Variants in INTS11 observed in about 807,000 individuals in gnomAD.
The protein encoded by INTS11 is CPSF3-like protein.
Under a neutral mutation model 78.6 loss-of-function variants are expected in INTS11, and 77 were observed. The observed-to-expected ratio is 0.98, with a 90% CI of 0.81 to 1.18. The LOEUF (loss-of-function observed/expected upper bound fraction) is 1.18, where lower values mean the gene tolerates loss of function less well. Among genes scored for constraint, INTS11 ranks in the 50% most tolerant of loss-of-function variants. The pLI is 0.00. For synonymous variants in INTS11, 441 were observed against 326.9 expected (o/e 1.35, Z -3.77); for missense variants, 875 against 825.9 (o/e 1.06, Z -0.73).
intron 3 of INTS11, chr1:1,320,122 A>C: frequency 7.0e-6 from 2 of 286,460 alleles, no homozygotes; most frequent in Non-Finnish European, 6.7e-6. Flanking sequence ...GCTGAACCCT[A>C]AAGGCTGGGG....
At chr1:1,316,282 G>C (rs375348001) in intron 4 of INTS11, 1 of 152,350 alleles carries the variant, frequency 6.6e-6, no homozygotes, top group Non-Finnish European at 1.5e-5. Context: ...ACTCCATCTC[G>C]GTAAAAACAA....
chr1:1,311,875 G>A lies in INTS11; in HGVS notation c.1787C>T (p.Pro596Leu), dbSNP rs1199050204. 1.9e-6 allele frequency: 3 copies of A among 1,563,762 alleles called. No homozygotes were observed. Among genetic ancestry groups the A allele is most frequent in the South Asian group, 1.2e-5 (1 of 84,354 alleles). Reference sequence around the variant, plus strand: ...TTGCCGGCCTCAGCTGGGGGCCTGGGGGAGGCCCTTCTTCAGCAGAGATGT... The same window carrying A: ...TTGCCGGCCTCAGCTGGGGGCCTGGAGGAGGCCCTTCTTCAGCAGAGATGT... ...FLTSLLKKGL[P>L]QAPS Residue 596 changes from proline to leucine, a missense_variant, in exon 17 of 17, where the codon CCC (proline) becomes CTC (leucine). Transcript: ENST00000435064.
At chr1:1,319,237 G>T in intron 4 of INTS11, 59 bp downstream of exon 4, 1 of 1,379,800 alleles carries the variant, frequency 7.2e-7, no homozygotes, top group Non-Finnish European at 1.0e-6. Context: ...ACGGGCGGAG[G>T]GCATGGTTGG....
rs1313655713 is a variant in INTS11, at chr1:1,314,525, AAGGGAGCCGTATGAGAGACAGG to A, written c.703-182_703-161del. On this transcript the variant is annotated intron_variant, in intron 7 of 16. Transcript: ENST00000435064. This position sits in a 1 kb window ranked among gnomAD's most constrained non-coding sequence, Gnocchi z 4.2. ...CGTCCCAGCCGCTCTCCAGAGACAG[AAGGGAGCCGTATGAGAGACAGG>A]AGGGAGCCGCATGAGAGACAGAAGG... 4.4e-4 allele frequency: 300 copies of A among 679,316 alleles called. No homozygotes were observed. The highest frequency in any genetic ancestry group is 1.6e-3 in the Admixed American group (53 of 33,888). The allele number at this position is 679,316 out of a possible 1,614,324, so 42.1% of individuals were successfully genotyped here.
In INTS11 at chr1:1,313,602, A is replaced by G. The variant is rs572285730; in HGVS notation, c.958-10T>C. 4 of 1,612,842 alleles carry G rather than the reference A, an allele frequency of 2.5e-6. No individual in the cohort carries two copies. Among genetic ancestry groups the G allele is most frequent in the Admixed American group, 1.7e-5 (1 of 60,024 alleles). ...GCGTGGCAAACACAACCTACAGGAC[A>G]CACAGGGCCAGGTGGGGGGTCAGGG... is the stretch of plus-strand genomic sequence containing the variant. On this transcript the variant is annotated splice_polypyrimidine_tract_variant and intron_variant, in intron 9 of 16. Transcript: ENST00000435064.
intron 1 of INTS11, among the ~76,000 whole-genome samples, chr1:1,322,574 G>A (rs1309488034): frequency 1.0e-5 from 1 of 100,002 alleles, no homozygotes; most frequent in African/African-American, 4.1e-5. Flanking sequence ...GGGGAGGGAC[G>A]GGGTGGGGAA....
chr1:1,311,863 C>G lies in INTS11; in HGVS notation c.1799G>C (p.Ser600Thr), dbSNP rs749800470. Residue 600 changes from serine to threonine, a missense_variant, in exon 17 of 17, where the codon AGC (serine) becomes ACC (threonine). By Grantham distance (58) the Ser-to-Thr change is moderately conservative. Transcript: ENST00000435064. Reference sequence around the variant, plus strand: ...CGGCTGGGTGAGTTGCCGGCCTCAGCTGGGGGCCTGGGGGAGGCCCTTCTT... The same window carrying G: ...CGGCTGGGTGAGTTGCCGGCCTCAGGTGGGGGCCTGGGGGAGGCCCTTCTT... ...LLKKGLPQAP[S>T] The G allele has an allele frequency of 6.4e-7, 1 of 1,553,126 alleles. No individual in the cohort carries two copies. The highest frequency in any genetic ancestry group is 2.0e-5 in the Admixed American group (1 of 50,486).
Position 1,313,015 on chromosome 1 carries a change from A to G in INTS11, c.1131+20T>C. 3 of 1,611,648 alleles carry G rather than the reference A, an allele frequency of 1.9e-6. No homozygotes were observed. The highest frequency in any genetic ancestry group is 1.7e-5 in the Admixed American group (1 of 59,976). On this transcript the variant is annotated intron_variant, in intron 11 of 16. Coordinates refer to ENST00000435064, the MANE Select transcript of INTS11 (RefSeq NM_017871.6). ...AGGTGCCCCTCGGCCCTGCCAGCCC[A>G]GTGCGGGGTCGAGACTCACCACCTG...
chr1:1,319,421 T>C lies in INTS11; in HGVS notation c.304A>G (p.Ile102Val). ...ATCTTGCGGTAGTCCTCCAGCAAGA[T>C]GGGGCAGATGGCCTGGGTGGGGTGA... Reference protein sequence around the residue: ...MTHPTQAICPILLEDYRKIAV... With the variant: ...MTHPTQAICPVLLEDYRKIAV... The change falls in exon 4 of 17, where the codon ATC (isoleucine) becomes GTC (valine). Residue 102 changes from isoleucine to valine, a missense_variant. By Grantham distance (29) the Ile-to-Val change is conservative. Coordinates refer to ENST00000435064, the MANE Select transcript of INTS11 (RefSeq NM_017871.6). The C allele has an allele frequency of 6.2e-7, 1 of 1,613,220 alleles. No homozygotes were observed. The highest frequency in any genetic ancestry group is 8.5e-7 in the Non-Finnish European group (1 of 1,179,938).
rs369338575 is a variant in INTS11, at chr1:1,311,852, G to A, written c.*7C>T. On this transcript the variant is annotated 3_prime_UTR_variant, in exon 17 of 17. Transcript: ENST00000435064. ...GGCAGAGGTGGCGGCTGGGTGAGTT[G>A]CCGGCCTCAGCTGGGGGCCTGGGGG... The A allele has an allele frequency of 7.7e-5, 119 of 1,544,040 alleles. 2 individuals carry two copies. Among genetic ancestry groups the A allele is most frequent in the Non-Finnish European group, 5.0e-5 (57 of 1,145,172 alleles).
Position 1,313,707 on chromosome 1 carries a change from T to C in INTS11, c.957+25A>G, listed in dbSNP as rs751760165. ...AGGAGACCGACGGGTGTGGATGTGC[T>C]GGCCGGCCCTGCCGCGGGCCTCACC... On this transcript the variant is annotated intron_variant, in intron 9 of 16. Coordinates refer to ENST00000435064, the MANE Select transcript of INTS11 (RefSeq NM_017871.6). 3.1e-6 allele frequency: 5 copies of C among 1,610,160 alleles called. No homozygotes were observed. In the South Asian group the frequency reaches 4.4e-5, roughly 14 times the overall value.
At chr1:1,313,395 C>T in intron 10 of INTS11, 114 bp downstream of exon 10, 1 of 1,216,096 alleles carries the variant, frequency 8.2e-7, no homozygotes, top group Non-Finnish European at 1.2e-6. Context: ...CAGCAGCAGC[C>T]ACGTCCCTTG....
In INTS11 at chr1:1,311,842, T is replaced by A; in HGVS notation, c.*17A>T. 1 of 1,539,778 alleles carries A rather than the reference T, an allele frequency of 6.5e-7. No individual in the cohort carries two copies. The highest frequency in any genetic ancestry group is 8.7e-7 in the Non-Finnish European group (1 of 1,143,118). On this transcript the variant is annotated 3_prime_UTR_variant, in exon 17 of 17. Coordinates refer to ENST00000435064, the MANE Select transcript of INTS11 (RefSeq NM_017871.6). ...GCTGGGAGAGGGCAGAGGTGGCGGC[T>A]GGGTGAGTTGCCGGCCTCAGCTGGG...
At chr1:1,313,011 G>C in intron 11 of INTS11, 24 bp downstream of exon 11, 1 of 1,611,510 alleles carries the variant, frequency 6.2e-7, no homozygotes, top group Non-Finnish European at 8.5e-7. Context: ...GGCCCTGCCA[G>C]CCCAGTGCGG....
Position 1,314,400 on chromosome 1 carries a change from T to TG in INTS11, c.703-36dup. 1 of 1,579,738 alleles carries TG rather than the reference T, an allele frequency of 6.3e-7. No homozygotes were observed. Among genetic ancestry groups the TG allele is most frequent in the African/African-American group, 1.3e-5 (1 of 74,334 alleles). ...ACACAAGGCAGGAGCCCTGGGCACA[T>TG]GGCCCCTCGACACAGCAGGCAGCGT... On this transcript the variant is annotated intron_variant, in intron 7 of 16. Transcript: ENST00000435064. The surrounding 1 kb of genome is among the most constrained non-coding windows in gnomAD (Gnocchi z 4.2).
At chr1:1,321,894 T>G (rs1642966776) in intron 1 of INTS11, 1 of 1,275,308 alleles carries the variant, frequency 7.8e-7, no homozygotes, top group Non-Finnish European at 1.0e-6. Flanking sequence ...GTTTTCCCCT[T>G]GAATCCCACC....
chr1:1,317,399 A>C, intron 4 of INTS11: 1 of 888,146 alleles, frequency 1.1e-6, no homozygotes, highest in Non-Finnish European at 1.3e-6. Context: ...CCATCTCAAA[A>C]AAAAAAGAAA....
intron 4 of INTS11, among the ~76,000 whole-genome samples, chr1:1,315,916 A>G (rs1055194466): frequency 6.6e-6 from 1 of 152,146 alleles, no homozygotes; most frequent in East Asian, 1.9e-4. Context: ...TCCAGTTCAC[A>G]AGGGACGGGC....
At position 1,314,966 on chromosome 1, in the gene INTS11, G is replaced by A. The variant is rs1233150639; in HGVS notation, c.564-4C>T. ...GCACTTGTCAATCCAGGCAGCTCTG[G>A]AACACGGGGGTGGGGGTGTGAGCCA... On this transcript the variant is annotated splice_region_variant and splice_polypyrimidine_tract_variant and intron_variant, in intron 6 of 16. Coordinates refer to ENST00000435064, the MANE Select transcript of INTS11 (RefSeq NM_017871.6). This position sits in a 1 kb window ranked among gnomAD's most constrained non-coding sequence, Gnocchi z 4.2. 4 of 1,611,856 alleles carry A rather than the reference G, an allele frequency of 2.5e-6. No homozygotes were observed. Among genetic ancestry groups the A allele is most frequent in the East Asian group, 2.2e-5 (1 of 44,826 alleles).
Sources: gnomAD v4.1 joint callset for allele counts (sites outside exome capture counted in the v4.1 genomes callset) on GRCh38, gnomAD v4.1.1 for gene constraint, Gnocchi (gnomAD v3.1) non-coding constraint, MANE v1.5 for transcripts, NCBI Gene and HGNC (gene_info 2026-07-23, HGNC 2026-07-21) for gene names.